The following COL22A1 variants were observed in gnomAD, a reference collection of about 807,000 sequenced individuals.
The protein encoded by COL22A1 is collagen type XXII alpha 1 chain.
COL22A1 carries 221 observed loss-of-function variants against 248.9 expected under a neutral mutation model. The ratio of observed to expected loss-of-function variants is 0.89; its 90% CI spans 0.80 to 0.99. The LOEUF is 0.99. Ranked by LOEUF, COL22A1 falls within the 50% of genes least tolerant of loss-of-function variation. COL22A1 has a pLI of 0.00. For synonymous variants in COL22A1, 891 were observed against 793.4 expected, an observed-to-expected ratio of 1.12 and a Z score of -2.07; for missense variants, 2,240 against 2,179.0, an observed-to-expected ratio of 1.03 and a Z score of -0.56.
chr8:138,687,549 A>G (rs539835433), intron 37 of COL22A1, among the ~76,000 whole-genome samples: 1 of 152,350 alleles, frequency 6.6e-6, no homozygotes, highest in African/African-American at 2.4e-5. Flanking sequence ...TGGACAATCC[A>G]TGCCCCAATA....
intron 30 of COL22A1, among the ~76,000 whole-genome samples, chr8:138,713,472 T>G (rs1027439196): frequency 6.6e-6 from 1 of 152,214 alleles, no homozygotes; most frequent in Non-Finnish European, 1.5e-5. Context: ...ACGGAACCCA[T>G]GATTTCCCCG....
At chr8:138,700,039 C>G (rs1827824604) in intron 32 of COL22A1, 73 bp downstream of exon 32, 7 of 1,437,296 alleles carry the variant, frequency 4.9e-6, no homozygotes, top group Non-Finnish European at 6.8e-6. Context: ...CCAGTCCAGG[C>G]TCCCAGGCCA....
At chr8:138,799,604 G>T (rs1816832783) in intron 11 of COL22A1, among the ~76,000 whole-genome samples, 1 of 152,078 alleles carries the variant, frequency 6.6e-6, no homozygotes, top group Non-Finnish European at 1.5e-5. Flanking sequence ...ATCACCCCAG[G>T]ATGACGATGG....
intron 52 of COL22A1, chr8:138,620,684 TG>T (rs1450461896): frequency 3.9e-5 from 6 of 152,288 alleles, no homozygotes; most frequent in Non-Finnish European, 7.3e-5. Flanking sequence ...GTTTTCACTA[TG>T]ATGTCACTGA....
rs16909638 is a variant in COL22A1, at chr8:138,792,856, C to G, written c.1596+3963G>C. 4.1e-3 allele frequency among the ~76,000 whole-genome samples: 628 copies of G among 152,310 alleles called. 8 individuals carry two copies. Among genetic ancestry groups the G allele is most frequent in the East Asian group, 0.035 (180 of 5,174 alleles). ...AACAGTGATTCAATCAGCTCTGCAG[C>G]TTCCCGTCATTTTAGTAACAATCAG... On this transcript the variant is annotated intron_variant, in intron 12 of 64. Transcript: ENST00000303045.
At chr8:138,848,722 T>C (rs1183784498) in intron 3 of COL22A1, among the ~76,000 whole-genome samples, 1 of 152,164 alleles carries the variant, frequency 6.6e-6, no homozygotes, top group Admixed American at 6.5e-5. Context: ...ACAAGGTAGA[T>C]TTTCTTCCCA....
At chr8:138,850,118 A>G (rs930000109) in intron 3 of COL22A1, among the ~76,000 whole-genome samples, 1 of 152,158 alleles carries the variant, frequency 6.6e-6, no homozygotes, top group Non-Finnish European at 1.5e-5. Context: ...GGGTTCAGAC[A>G]TTGGGTTCTT....
chr8:138,755,331 G>T, intron 20 of COL22A1, 121 bp from the exon 21 acceptor site: 1 of 1,264,658 alleles, frequency 7.9e-7, no homozygotes, highest in Non-Finnish European at 1.2e-6. Context: ...ATAGGGAGTA[G>T]AGGTATGGGA....
intron 3 of COL22A1, among the ~76,000 whole-genome samples, chr8:138,872,085 G>A (rs1823387856): frequency 6.6e-6 from 1 of 152,216 alleles, no homozygotes; most frequent in Admixed American, 6.5e-5. Flanking sequence ...TCAAAATGCA[G>A]AGCTGGAGTT....
intron 3 of COL22A1, among the ~76,000 whole-genome samples, chr8:138,854,067 C>A (rs981738320): frequency 4.6e-5 from 7 of 152,226 alleles, no homozygotes; most frequent in African/African-American, 1.7e-4. Flanking sequence ...GTGGCTGTGA[C>A]TGTCACATGG....
intron 52 of COL22A1, among the ~76,000 whole-genome samples, chr8:138,622,878 G>C (rs1187184865): frequency 6.6e-6 from 1 of 151,908 alleles, no homozygotes; most frequent in African/African-American, 2.4e-5. Context: ...TGGGCATTTG[G>C]AGAACCCAGG....
At chr8:138,686,398 C>T (rs377423590) in intron 37 of COL22A1, among the ~76,000 whole-genome samples, 5 of 152,302 alleles carry the variant, frequency 3.3e-5, no homozygotes, top group African/African-American at 1.2e-4. Context: ...CTGGGCTGCC[C>T]TGGGTGGAAG....
chr8:138,806,647 G>A (rs1423245323), intron 10 of COL22A1, among the ~76,000 whole-genome samples: 1 of 152,150 alleles, frequency 6.6e-6, no homozygotes, highest in Non-Finnish European at 1.5e-5. Flanking sequence ...ACGCAGGGTT[G>A]ATTTAGGGTT....
At chr8:138,867,328 TCTCGACTCTG>T (rs2131989242) in intron 3 of COL22A1, among the ~76,000 whole-genome samples, 1 of 152,246 alleles carries the variant, frequency 6.6e-6, no homozygotes, top group Admixed American at 6.5e-5. Flanking sequence ...CAGATGAACT[TCTCGACTCTG>T]CTCAACTCCC....
chr8:138,776,348 G>T (rs562352276), intron 15 of COL22A1, among the ~76,000 whole-genome samples: 5 of 152,154 alleles, frequency 3.3e-5, no homozygotes, highest in South Asian at 2.1e-4. Context: ...TTCAAAGTCA[G>T]TTCCCCCCAA....
chr8:138,792,679 T>C (rs2131588435), intron 12 of COL22A1, among the ~76,000 whole-genome samples: 1 of 152,318 alleles, frequency 6.6e-6, no homozygotes, highest in Middle Eastern at 3.4e-3. Flanking sequence ...GTTGCTTCAT[T>C]TACCAGGTCC....
At chr8:138,854,048 G>A (rs983440738) in intron 3 of COL22A1, among the ~76,000 whole-genome samples, 3 of 152,202 alleles carry the variant, frequency 2.0e-5, no homozygotes, top group Non-Finnish European at 2.9e-5. Flanking sequence ...TGGTAGCTTG[G>A]TAGAGATGGT....
At chr8:138,716,102 G>A in intron 29 of COL22A1, 125 bp downstream of exon 29, 1 of 748,486 alleles carries the variant, frequency 1.3e-6, no homozygotes, top group Non-Finnish European at 2.2e-6. Context: ...CATCAACACT[G>A]AGAAATACAC....
chr8:138,624,740 G>A (rs879795214), intron 51 of COL22A1, among the ~76,000 whole-genome samples: 1 of 152,126 alleles, frequency 6.6e-6, no homozygotes, highest in Non-Finnish European at 1.5e-5. Flanking sequence ...GTGTGTCCTG[G>A]ACAGCTTACT....
Sources: gnomAD v4.1 joint callset for allele counts (sites outside exome capture counted in the v4.1 genomes callset) on GRCh38, gnomAD v4.1.1 for gene constraint, MANE v1.5 for transcripts, NCBI Gene and HGNC (gene_info 2026-07-23, HGNC 2026-07-21) for gene names.